Variants in ZFHX4 observed in about 807,000 individuals in gnomAD.
ZFHX4 encodes the protein zinc finger homeobox 4.
Under a neutral mutation model 267.6 loss-of-function variants are expected in ZFHX4, and 56 were observed. The observed-to-expected ratio is 0.21, with a 90% CI of 0.17 to 0.26. The LOEUF (loss-of-function observed/expected upper bound fraction) is 0.26. Among genes scored for constraint, ZFHX4 ranks in the 10% least tolerant of loss-of-function variants. The pLI, the probability that ZFHX4 is intolerant of heterozygous loss-of-function variation, is 1.00. For missense variants in ZFHX4, 4,332 were observed against 4,420.0 expected (o/e 0.98, Z 0.56); for synonymous variants, 1,778 against 1,665.6 (o/e 1.07, Z -1.64).
chr8:76,805,197 G>A (rs1448135445), intron 4 of ZFHX4, among the ~76,000 whole-genome samples: 3 of 152,080 alleles, frequency 2.0e-5, no homozygotes, highest in Non-Finnish European at 4.4e-5. Flanking sequence ...TCTATGTGCT[G>A]TAGCTTACTG....
At chr8:76,710,860 T>G (rs2131620105) in intron 3 of ZFHX4, among the ~76,000 whole-genome samples, 1 of 152,248 alleles carries the variant, frequency 6.6e-6, no homozygotes, top group African/African-American at 2.4e-5. Flanking sequence ...TAAGGTTAGC[T>G]TAGAAGCATC....
At position 76,854,088 on chromosome 8, in the gene ZFHX4, C is replaced by A. The variant is rs1812630984; in HGVS notation, c.7167C>A (p.Thr2389=). 1 of 1,613,752 alleles carries A rather than the reference C, an allele frequency of 6.2e-7. No homozygotes were observed. The highest frequency in any genetic ancestry group is 1.3e-5 in the African/African-American group (1 of 74,892). The part of the protein sequence containing the change: ...PAASSGSGTS[T]PLIPSPKPEP... ...CAAGTTCTGGCTCTGGGACCAGCAC[C>A]CCCCTGATTCCATCACCCAAACCAG... Residue 2389 remains threonine (T), a synonymous_variant, in exon 10 of 11, where the codon ACC becomes ACA. Coordinates refer to ENST00000651372, the MANE Select transcript of ZFHX4 (RefSeq NM_024721.5).
intron 4 of ZFHX4, among the ~76,000 whole-genome samples, chr8:76,806,719 A>G (rs1036485054): frequency 6.6e-6 from 1 of 152,136 alleles, no homozygotes; most frequent in Non-Finnish European, 1.5e-5. Context: ...GTCATTTCCA[A>G]GTGTCCCCAA....
chr8:76,816,440 T>C (rs1463014491), intron 4 of ZFHX4, among the ~76,000 whole-genome samples: 1 of 152,138 alleles, frequency 6.6e-6, no homozygotes, highest in East Asian at 1.9e-4. Flanking sequence ...CTCATAATAG[T>C]GGGTGGATGT....
intron 3 of ZFHX4, among the ~76,000 whole-genome samples, chr8:76,716,312 T>C (rs1004565910): frequency 6.6e-6 from 1 of 152,226 alleles, no homozygotes; most frequent in African/African-American, 2.4e-5. Context: ...TACTTATTTA[T>C]TGCCTTTTAC....
chr8:76,803,263 CGTGT>C (rs112457236), intron 4 of ZFHX4, among the ~76,000 whole-genome samples: 10 of 147,416 alleles, frequency 6.8e-5, no homozygotes, highest in African/African-American at 1.7e-4. Context: ...CGCGTGTGTG[CGTGT>C]GTGTGTGTGT....
intron 3 of ZFHX4, among the ~76,000 whole-genome samples, chr8:76,711,238 A>G (rs1403358129): frequency 6.6e-6 from 1 of 152,160 alleles, no homozygotes; most frequent in Non-Finnish European, 1.5e-5. Flanking sequence ...GTTACTGTTA[A>G]GAAAATCTTA....
intron 3 of ZFHX4, among the ~76,000 whole-genome samples, chr8:76,738,261 G>A (rs1809217565): frequency 6.6e-6 from 1 of 152,114 alleles, no homozygotes; most frequent in Non-Finnish European, 1.5e-5. Context: ...GCTTATGAAT[G>A]TGTCGTCTGA....
chr8:76,744,068 G>T (rs1809391217), intron 3 of ZFHX4, among the ~76,000 whole-genome samples: 1 of 152,222 alleles, frequency 6.6e-6, no homozygotes, highest in Admixed American at 6.5e-5. Context: ...ATGATATGCT[G>T]GGCACAGTGG....
At chr8:76,782,372 A>G (rs1189034995) in intron 4 of ZFHX4, among the ~76,000 whole-genome samples, 2 of 151,956 alleles carry the variant, frequency 1.3e-5, no homozygotes, top group African/African-American at 4.8e-5. Flanking sequence ...CTTGTTAAGA[A>G]TAAAGTTTAA....
At chr8:76,683,212 G>C (rs1807592536) in intron 1 of ZFHX4, 2 of 152,434 alleles carry the variant, frequency 1.3e-5, no homozygotes, top group East Asian at 4.0e-4. Context: ...AGGTACCAAA[G>C]GTTCAGATCG....
intron 4 of ZFHX4, among the ~76,000 whole-genome samples, chr8:76,802,159 T>A (rs918407372): frequency 6.6e-6 from 1 of 152,178 alleles, no homozygotes; most frequent in Non-Finnish European, 1.5e-5. Flanking sequence ...TGTTCTTCCC[T>A]CTTTCAGTGG....
intron 4 of ZFHX4, among the ~76,000 whole-genome samples, chr8:76,787,478 TG>T (rs1212524130): frequency 6.6e-6 from 1 of 151,652 alleles, no homozygotes; most frequent in East Asian, 1.9e-4. Context: ...CTGAGATGCA[TG>T]GTACTTGTTA....
chr8:76,819,150 T>G (rs1359669549), intron 4 of ZFHX4, among the ~76,000 whole-genome samples: 2 of 151,748 alleles, frequency 1.3e-5, no homozygotes, highest in Non-Finnish European at 2.9e-5. Flanking sequence ...AGGTTTTTTT[T>G]TTTTTTTTTT....
At chr8:76,807,759 G>T (rs1387753574) in intron 4 of ZFHX4, among the ~76,000 whole-genome samples, 3 of 152,076 alleles carry the variant, frequency 2.0e-5, no homozygotes, top group Non-Finnish European at 4.4e-5. Flanking sequence ...TGCAGTTAAA[G>T]ATTTACAATC....
In ZFHX4 at chr8:76,856,100, C is replaced by A; in HGVS notation, c.9179C>A (p.Ala3060Glu). The change falls in exon 10 of 11, where the codon GCA becomes GAA. Residue 3060 changes from alanine (A) to glutamate (E), a missense_variant. This residue lies in a region of ZFHX4 where 1,648 missense variants were observed against 1,625.0 expected (regional missense o/e 1.01). Coordinates refer to ENST00000651372, the MANE Select transcript of ZFHX4 (RefSeq NM_024721.5). ...CCGACCACGGTTCGGCAGCTGATGG[C>A]ACAGCAAGAACTTGATCGTATAAAG... ...LAPTTVRQLM[A>E]QQELDRIKKA... 6.2e-7 allele frequency: 1 copy of A among 1,613,958 alleles called. No individual in the cohort carries two copies. The highest frequency in any genetic ancestry group is 8.5e-7 in the Non-Finnish European group (1 of 1,179,872).
At chr8:76,818,419 T>G (rs1811560950) in intron 4 of ZFHX4, among the ~76,000 whole-genome samples, 1 of 152,148 alleles carries the variant, frequency 6.6e-6, no homozygotes, top group Non-Finnish European at 1.5e-5. Context: ...GATTATGGAA[T>G]GCCTTGAAGA....
intron 4 of ZFHX4, among the ~76,000 whole-genome samples, chr8:76,822,851 T>G (rs928837926): frequency 1.4e-4 from 22 of 152,168 alleles, no homozygotes; most frequent in African/African-American, 3.9e-4. Context: ...CTCTATATAT[T>G]CTAAGAAGTG....
intron 4 of ZFHX4, among the ~76,000 whole-genome samples, chr8:76,812,292 T>C (rs1811397605): frequency 6.6e-6 from 1 of 152,212 alleles, no homozygotes; most frequent in Non-Finnish European, 1.5e-5. Flanking sequence ...AATTTTAAAT[T>C]CTGTTGCAGA....
Sources: allele counts gnomAD v4.1 joint callset (sites outside exome capture counted in the v4.1 genomes callset), GRCh38; gene constraint gnomAD v4.1.1; regional missense constraint gnomAD v4.1.1; transcripts MANE v1.5; gene names NCBI Gene and HGNC (gene_info 2026-07-23, HGNC 2026-07-21).